Variants in ZFHX2 observed in about 807,000 individuals in gnomAD.
The protein encoded by ZFHX2 is zinc finger homeobox 2.
Under a neutral mutation model 164.8 loss-of-function variants are expected in ZFHX2, and 75 were observed. That is an observed-to-expected ratio of 0.46 (90% CI 0.38 to 0.55). ZFHX2 has a LOEUF of 0.55. Among genes scored for constraint, ZFHX2 ranks in the 20% least tolerant of loss-of-function variants. ZFHX2 has a pLI of 0.00. For missense variants in ZFHX2, 2,933 were observed against 3,308.0 expected, an observed-to-expected ratio of 0.89 and a Z score of 2.78; for synonymous variants, 1,217 against 1,351.4, an observed-to-expected ratio of 0.90 and a Z score of 2.18.
Position 23,524,283 on chromosome 14 carries a change from G to A in ZFHX2, c.5659C>T (p.Leu1887Phe). The change falls in exon 9 of 10, where the codon CTC (leucine) becomes TTC (phenylalanine). Residue 1887 changes from leucine to phenylalanine, a missense_variant. Physicochemically the swap from Leu to Phe is conservative, Grantham distance 22 (BLOSUM62 0). Transcript: ENST00000419474. The surrounding 1 kb of genome is among the most constrained non-coding windows in gnomAD (Gnocchi z 5.6). ...MQDSNPTRKM[L>F]DCISEEVGLK... Reference sequence around the variant, plus strand: ...CCCACCTCCTCGGAGATGCAGTCGAGCATCTTGCGTGTTGGGTTGGAATCC... The same window carrying A: ...CCCACCTCCTCGGAGATGCAGTCGAACATCTTGCGTGTTGGGTTGGAATCC... 2.6e-6 allele frequency: 4 copies of A among 1,536,358 alleles called. No individual in the cohort carries two copies. The highest frequency in any genetic ancestry group is 3.5e-6 in the Non-Finnish European group (4 of 1,146,952).
At position 23,525,808 on chromosome 14, in the gene ZFHX2, C is replaced by T. The variant is rs943756341; in HGVS notation, c.4134G>A (p.Leu1378=). The change falls in exon 9 of 10, where the codon CTG becomes CTA. Residue 1378 remains leucine (L), a synonymous_variant. Transcript: ENST00000419474. The surrounding 1 kb of genome is among the most constrained non-coding windows in gnomAD (Gnocchi z 5.9). The part of the protein sequence containing the change: ...YLHDLKVGPK[L]TLAGPAPVLS... ...GCACAGGTGCAGGCCCAGCTAGTGT[C>T]AGCTTGGGCCCCACCTTGAGATCGT... is the stretch of plus-strand genomic sequence containing the variant. 8 of 1,465,734 alleles carry T rather than the reference C, an allele frequency of 5.5e-6. No homozygotes were observed. The highest frequency in any genetic ancestry group is 5.4e-6 in the Non-Finnish European group (6 of 1,114,006). 90.8% of individuals were successfully genotyped at this position (1,465,734 alleles called of 1,614,324 possible). A position where few individuals can be genotyped will look rare whatever the true frequency, so the allele number is the denominator to read the frequency against.
chr14:23,551,863 C>T (rs1463913292), upstream of ZFHX2, among the ~76,000 whole-genome samples: 2 of 152,214 alleles, frequency 1.3e-5, no homozygotes, highest in African/African-American at 2.4e-5. This position sits in a 1 kb window ranked among gnomAD's most constrained non-coding sequence, Gnocchi z 5.3. Flanking sequence ...CGCGCCCGCC[C>T]GCCTGCCTCG....
rs1878662185 is a variant in ZFHX2, at chr14:23,526,027, G to A, written c.3915C>T (p.Gly1305=). ...PKEGETEGEV[G]TEKKGPDTSG... ...TGGTGTCAGGGCCCTTCTTCTCAGT[G>A]CCCACCTCCCCCTCTGTCTCGCCTT... The change falls in exon 9 of 10, where the codon GGC becomes GGT. Residue 1305 remains glycine (G), a synonymous_variant. Coordinates refer to ENST00000419474, the MANE Select transcript of ZFHX2 (RefSeq NM_033400.3). 6.5e-6 allele frequency: 10 copies of A among 1,535,908 alleles called. No homozygotes were observed. Among genetic ancestry groups the A allele is most frequent in the Non-Finnish European group, 8.7e-6 (10 of 1,146,634 alleles).
intron 6 of ZFHX2, 126 bp downstream of exon 6, chr14:23,529,584 T>C: frequency 1.0e-6 from 1 of 998,632 alleles, no homozygotes; most frequent in South Asian, 1.4e-5. Flanking sequence ...GTGGAATTTC[T>C]TAACTGTGCT....
Position 23,524,382 on chromosome 14 carries a change from G to T in ZFHX2, c.5560C>A (p.Pro1854Thr), listed in dbSNP as rs1022535563. 1.3e-6 allele frequency: 2 copies of T among 1,536,084 alleles called. No homozygotes were observed. The highest frequency in any genetic ancestry group is 2.7e-5 in the African/African-American group (2 of 73,054). The stretch of plus-strand genomic sequence containing the variant: ...GTGCGCAGGCGCTTGTCCCTGGGGG[G>T]CTCGCCCTCCCCTCCTCCCCCTGCT... ...SEAGGGGEGE[P>T]PRDKRLRTTI... The change falls in exon 9 of 10, where the codon CCC becomes ACC. Residue 1854 changes from proline (P) to threonine (T), a missense_variant. Physicochemically the swap from Pro to Thr is conservative, Grantham distance 38. Transcript: ENST00000419474. The surrounding 1 kb of genome is among the most constrained non-coding windows in gnomAD (Gnocchi z 5.6).
Position 23,535,844 on chromosome 14 carries a change from G to A in ZFHX2, c.-49-470C>T, listed in dbSNP as rs183361771. Among the ~76,000 whole-genome samples, 914 of 152,126 alleles carry A rather than the reference G, an allele frequency of 6.0e-3. 7 individuals carry two copies. Among genetic ancestry groups the A allele is most frequent in the African/African-American group, 0.021 (864 of 41,504 alleles). On this transcript the variant is annotated intron_variant, in intron 1 of 9. Coordinates refer to ENST00000419474, the MANE Select transcript of ZFHX2 (RefSeq NM_033400.3). This position sits in a 1 kb window ranked among gnomAD's most constrained non-coding sequence, Gnocchi z 4.5. ...CGACCTCAAGTGATCCGCCCACCTC[G>A]GCCTCCCAAAGTGCTAGGATTATAG...
chr14:23,530,068 C>T (rs775148453), intron 5 of ZFHX2, 52 bp downstream of exon 5: 59 of 1,462,448 alleles, frequency 4.0e-5, no homozygotes, highest in South Asian at 9.7e-5. Flanking sequence ...TGCAAGGTCC[C>T]GTGAGCGTCT....
intron 1 of ZFHX2, among the ~76,000 whole-genome samples, chr14:23,549,743 T>C (rs1566596945): frequency 6.6e-6 from 1 of 152,196 alleles, no homozygotes; most frequent in Non-Finnish European, 1.5e-5. Context: ...TGGCACTGAC[T>C]GATGGAGGGG....
At chr14:23,555,222 C>A (rs1278767075), upstream of ZFHX2, among the ~76,000 whole-genome samples, 2 of 152,176 alleles carry the variant, frequency 1.3e-5, no homozygotes, top group Non-Finnish European at 2.9e-5. Flanking sequence ...TGGTCTCGAA[C>A]TCCTGACCTC....
rs1242549228 is a variant in ZFHX2, at chr14:23,522,291, C to T, written c.7390G>A (p.Ala2464Thr). The change falls in exon 10 of 10, where the codon GCC (alanine) becomes ACC (threonine). Residue 2464 changes from alanine to threonine, a missense_variant. Ala to Thr is a moderately conservative substitution (Grantham distance 58). Transcript: ENST00000419474. ...GATCTCTGGTGGGCAGTAGCCGGGG[C>T]CTCCCCGTCAAATGCCATCTTGCAC... ...RQCKMAFDGE[A>T]PATAHQRSFC... 1 of 1,505,646 alleles carries T rather than the reference C, an allele frequency of 6.6e-7. No homozygotes were observed. The highest frequency in any genetic ancestry group is 1.3e-5 in the South Asian group (1 of 79,344). 93.3% of individuals were successfully genotyped at this position (1,505,646 alleles called of 1,614,324 possible).
chr14:23,540,647 C>T (rs1292484103), intron 1 of ZFHX2, among the ~76,000 whole-genome samples: 6 of 152,230 alleles, frequency 3.9e-5, no homozygotes, highest in Admixed American at 2.6e-4. Context: ...CAGGTTCAAT[C>T]CTTGCTCCAT....
chr14:23,541,413 A>G (rs1880802480), intron 1 of ZFHX2, among the ~76,000 whole-genome samples: 1 of 150,050 alleles, frequency 6.7e-6, no homozygotes, highest in Admixed American at 6.6e-5. Context: ...TCAGCCTCCC[A>G]AGTAGCTGAG....
Position 23,535,435 on chromosome 14 carries a change from G to C in ZFHX2, c.-49-61C>G. 2.3e-6 allele frequency: 3 copies of C among 1,330,772 alleles called. No individual in the cohort carries two copies. Among genetic ancestry groups the C allele is most frequent in the Non-Finnish European group, 2.9e-6 (3 of 1,021,298 alleles). The allele number at this position is 1,330,772 out of a possible 1,614,324, so 82.4% of individuals were successfully genotyped here. ...CTGCAGGGACCCCAGCTGGGCAGCT[G>C]GATCTCTGGATACTCCTGCCCCATC... On this transcript the variant is annotated intron_variant, in intron 1 of 9. Coordinates refer to ENST00000419474, the MANE Select transcript of ZFHX2 (RefSeq NM_033400.3). The surrounding 1 kb of genome is among the most constrained non-coding windows in gnomAD (Gnocchi z 4.5).
Position 23,535,037 on chromosome 14 carries a change from C to G in ZFHX2, c.289G>C (p.Glu97Gln). 1 of 1,536,212 alleles carries G rather than the reference C, an allele frequency of 6.5e-7. No homozygotes were observed. The highest frequency in any genetic ancestry group is 8.7e-7 in the Non-Finnish European group (1 of 1,146,910). ...AGCCCTTCTTCTTCCTCCTCCTGCT[C>G]CTTGTCCTTTTCCACCCCTGGGTCA... ...PNDPGVEKDK[E>Q]QEEEEEGLPP... Residue 97 changes from glutamate (E) to glutamine (Q), a missense_variant, in exon 2 of 10, where the codon GAG becomes CAG. Glu to Gln is a conservative substitution (Grantham distance 29, BLOSUM62 2). Coordinates refer to ENST00000419474, the MANE Select transcript of ZFHX2 (RefSeq NM_033400.3). The surrounding 1 kb of genome is among the most constrained non-coding windows in gnomAD (Gnocchi z 4.5).
rs971715766 is a variant in ZFHX2, at chr14:23,524,806, T to G, written c.5136A>C (p.Glu1712Asp). The G allele has an allele frequency of 2.6e-5, 40 of 1,536,766 alleles. No individual in the cohort carries two copies. The highest frequency in any genetic ancestry group is 3.3e-4 in the Middle Eastern group (2 of 6,014). ...CCTCTACTTCTTCTTCTTCCACCTCTTCCTCCTCTTCCCCTCTCTCTGCCT... is the reference window on the plus strand; with the variant it reads ...CCTCTACTTCTTCTTCTTCCACCTCGTCCTCCTCTTCCCCTCTCTCTGCCT... ...EEEAERGEEE[E>D]EVEEEEVEEE... Residue 1712 changes from glutamate to aspartate, a missense_variant, in exon 9 of 10, where the codon GAA (glutamate) becomes GAC (aspartate). Glu to Asp is a conservative substitution (Grantham distance 45). Coordinates refer to ENST00000419474, the MANE Select transcript of ZFHX2 (RefSeq NM_033400.3). The surrounding 1 kb of genome is among the most constrained non-coding windows in gnomAD (Gnocchi z 5.6).
In ZFHX2 at chr14:23,532,742, C is replaced by G. The variant is rs752964116; in HGVS notation, c.2384G>C (p.Gly795Ala). The G allele has an allele frequency of 4.6e-6, 7 of 1,536,086 alleles. No individual in the cohort carries two copies. The South Asian group carries it at 5.9e-5, about 13-fold the overall frequency. Residue 795 changes from glycine to alanine, a missense_variant, in exon 3 of 10, where the codon GGG (glycine) becomes GCG (alanine). Transcript: ENST00000419474. ...GGAAGGGGTGCCCATGGCTCCACCC[C>G]CCTCCCGCAGGTGGGCTGCCAGCTG... is the stretch of plus-strand genomic sequence containing the variant. Reference protein sequence around the residue: ...KYQLAAHLREGGGAMGTPSPA... With the variant: ...KYQLAAHLREAGGAMGTPSPA...
intron 1 of ZFHX2, among the ~76,000 whole-genome samples, chr14:23,548,059 C>T (rs890877093): frequency 5.3e-5 from 8 of 152,158 alleles, no homozygotes; most frequent in Non-Finnish European, 8.8e-5. Flanking sequence ...CACACAGCCC[C>T]GATCCCTTCC....
upstream of ZFHX2, among the ~76,000 whole-genome samples, chr14:23,554,758 C>G (rs1882222685): frequency 6.6e-6 from 1 of 152,010 alleles, no homozygotes; most frequent in Non-Finnish European, 1.5e-5. Flanking sequence ...TTTCCAGAAA[C>G]ATACTGGTGA....
chr14:23,539,563 G>T (rs1880569371), intron 1 of ZFHX2, among the ~76,000 whole-genome samples: 1 of 152,132 alleles, frequency 6.6e-6, no homozygotes, highest in African/African-American at 2.4e-5. Context: ...AAGAGACAAA[G>T]GGCATGGGCA....
Sources: gnomAD v4.1 joint callset for allele counts (sites outside exome capture counted in the v4.1 genomes callset) on GRCh38, gnomAD v4.1.1 for gene constraint, Gnocchi (gnomAD v3.1) non-coding constraint, MANE v1.5 for transcripts, NCBI Gene and HGNC (gene_info 2026-07-23, HGNC 2026-07-21) for gene names.